The following NHSL1 variants were observed in gnomAD, a reference collection of about 807,000 sequenced individuals.
NHSL1 encodes the protein NHS like 1.
In NHSL1, 48 loss-of-function variants were observed where a neutral mutation model predicts 95.0. The observed-to-expected ratio is 0.51, with a 90% CI of 0.40 to 0.64. The LOEUF (loss-of-function observed/expected upper bound fraction) is 0.64. Among genes scored for constraint, NHSL1 ranks in the 30% least tolerant of loss-of-function variants. The probability of loss-of-function intolerance (pLI) is 0.00; values close to 1 mark genes in which losing one functional copy is unlikely to be tolerated. For synonymous variants in NHSL1, 783 were observed against 833.9 expected, an observed-to-expected ratio of 0.94 and a Z score of 1.05; for missense variants, 1,971 against 2,077.7, an observed-to-expected ratio of 0.95 and a Z score of 1.00.
At chr6:138,513,681 A>C (rs535358108) in intron 1 of NHSL1, among the ~76,000 whole-genome samples, 1 of 151,664 alleles carries the variant, frequency 6.6e-6, no homozygotes, top group East Asian at 1.9e-4. Context: ...CCTTTTACCC[A>C]CTCTCTTCCC....
intron 1 of NHSL1, 64 bp downstream of exon 1, chr6:138,499,169 G>T: frequency 3.9e-6 from 4 of 1,033,486 alleles, no homozygotes; most frequent in Non-Finnish European, 5.8e-6. Flanking sequence ...AGACACACAG[G>T]GACATATACA....
At chr6:138,441,714 G>C (rs559776330) in intron 5 of NHSL1, among the ~76,000 whole-genome samples, 29 of 152,230 alleles carry the variant, frequency 1.9e-4, no homozygotes, top group Admixed American at 1.6e-3. Flanking sequence ...ACAATGATGA[G>C]GTTAACTATG....
At position 138,433,331 on chromosome 6, in the gene NHSL1, C is replaced by T; in HGVS notation, c.1014G>A (p.Glu338=). 3 of 1,552,002 alleles carry T rather than the reference C, an allele frequency of 1.9e-6. No individual in the cohort carries two copies. The highest frequency in any genetic ancestry group is 2.6e-6 in the Non-Finnish European group (3 of 1,147,044). The change falls in exon 6 of 8, where the codon GAG becomes GAA. Residue 338 remains glutamate (E), a synonymous_variant. Coordinates refer to ENST00000343505, the MANE Select transcript of NHSL1 (RefSeq NM_001144060.2). ...CAGGGCCGAGGGCACCCAGCCTCGGCTCAAGGGACTGAATGTTTGCCCTTG... is the reference window on the plus strand; with the variant it reads ...CAGGGCCGAGGGCACCCAGCCTCGGTTCAAGGGACTGAATGTTTGCCCTTG... The part of the protein sequence containing the change: ...SGARANIQSL[E]PRLGALGPAG...
intron 4 of NHSL1, among the ~76,000 whole-genome samples, chr6:138,443,288 A>G (rs1262003986): frequency 6.6e-6 from 1 of 152,230 alleles, no homozygotes; most frequent in Admixed American, 6.5e-5. Context: ...ACAAACTTAA[A>G]TAAATGCTTG....
At chr6:138,678,026 G>A (rs1040910161) in intron 1 of NHSL1, among the ~76,000 whole-genome samples, 3 of 152,208 alleles carry the variant, frequency 2.0e-5, no homozygotes, top group Non-Finnish European at 4.4e-5. Context: ...AGAGAGCAGA[G>A]TATTGCAGAG....
At chr6:138,447,324 C>G (rs1776928169) in intron 3 of NHSL1, 131 bp from the exon 4 acceptor site, 2 of 711,582 alleles carry the variant, frequency 2.8e-6, no homozygotes, top group East Asian at 5.4e-5. Flanking sequence ...CTTTTAGGAA[C>G]AGAAGCAATG....
chr6:138,669,407 A>G (rs1456729595), intron 1 of NHSL1, among the ~76,000 whole-genome samples: 1 of 152,172 alleles, frequency 6.6e-6, no homozygotes, highest in Non-Finnish European at 1.5e-5. Context: ...CTAAGAACCT[A>G]TGCTATTTAT....
chr6:138,507,790 C>CT (rs1213982438), intron 1 of NHSL1, among the ~76,000 whole-genome samples: 1 of 151,974 alleles, frequency 6.6e-6, no homozygotes, highest in Non-Finnish European at 1.5e-5. Context: ...CTGAATTAAT[C>CT]TTTAATGATG....
intron 3 of NHSL1, among the ~76,000 whole-genome samples, chr6:138,452,820 C>T (rs201744236): frequency 6.7e-6 from 1 of 149,564 alleles, no homozygotes; most frequent in African/African-American, 2.5e-5. Context: ...TCTGTGCATT[C>T]TTTTTTTTTT....
chr6:138,692,606 G>A (rs1031503306), upstream of NHSL1: 2 of 180,776 alleles, frequency 1.1e-5, no homozygotes, highest in South Asian at 2.0e-4. The surrounding 1 kb of genome is among the most constrained non-coding windows in gnomAD (Gnocchi z 4.0). Context: ...TGTCCCCGGC[G>A]CAGCGCGACA....
intron 1 of NHSL1, among the ~76,000 whole-genome samples, chr6:138,614,774 G>A (rs1256289690): frequency 1.3e-5 from 2 of 152,132 alleles, no homozygotes; most frequent in South Asian, 2.1e-4. Context: ...ACCTCCTGTC[G>A]GATCAGCGGC....
chr6:138,621,341 A>G (rs1342955164), intron 1 of NHSL1, among the ~76,000 whole-genome samples: 5 of 152,340 alleles, frequency 3.3e-5, no homozygotes, highest in Middle Eastern at 6.8e-3. Flanking sequence ...AAAAATGCAA[A>G]CACTGAAAGA....
chr6:138,590,450 C>G (rs1173735446), intron 1 of NHSL1, among the ~76,000 whole-genome samples: 1 of 152,174 alleles, frequency 6.6e-6, no homozygotes, highest in Non-Finnish European at 1.5e-5. Context: ...CCCTCACTCC[C>G]TGAGGAAAGC....
chr6:138,643,155 C>T (rs7756938), intron 1 of NHSL1, among the ~76,000 whole-genome samples: 4,318 of 152,312 alleles, frequency 0.028, 208 homozygotes, highest in African/African-American at 0.098. Context: ...ATGTGTCAAA[C>T]ACTGTGCTAG....
chr6:138,456,533 G>C (rs1260484537), intron 3 of NHSL1, among the ~76,000 whole-genome samples: 1 of 152,172 alleles, frequency 6.6e-6, no homozygotes, highest in Non-Finnish European at 1.5e-5. Context: ...CAAAAATCTA[G>C]ATCTAATACA....
At chr6:138,615,629 C>T (rs1784568788) in intron 1 of NHSL1, among the ~76,000 whole-genome samples, 1 of 152,224 alleles carries the variant, frequency 6.6e-6, no homozygotes, top group Non-Finnish European at 1.5e-5. Context: ...TGCCACCATG[C>T]CTGGCTAATT....
intron 7 of NHSL1, among the ~76,000 whole-genome samples, chr6:138,429,443 G>A (rs780070191): frequency 6.6e-6 from 1 of 152,086 alleles, no homozygotes; most frequent in Non-Finnish European, 1.5e-5. Context: ...GCCACACTGC[G>A]CTCCTTGCCA....
chr6:138,680,925 C>A (rs960785850), intron 1 of NHSL1, among the ~76,000 whole-genome samples: 2 of 152,180 alleles, frequency 1.3e-5, no homozygotes, highest in Admixed American at 1.3e-4. Context: ...CCCCCTTTAC[C>A]TTTCTTAATA....
intron 1 of NHSL1, among the ~76,000 whole-genome samples, chr6:138,568,928 A>G (rs1247095114): frequency 2.6e-5 from 4 of 152,244 alleles, no homozygotes; most frequent in Non-Finnish European, 5.9e-5. Context: ...TGTTCCTGAT[A>G]ACAATCCAGC....
Sources: allele counts gnomAD v4.1 joint callset (sites outside exome capture counted in the v4.1 genomes callset), GRCh38; gene constraint gnomAD v4.1.1; non-coding constraint Gnocchi (gnomAD v3.1); transcripts MANE v1.5; gene names NCBI Gene and HGNC (gene_info 2026-07-23, HGNC 2026-07-21).